ATP6V0A4: variants seen among roughly 807,000 people sequenced by gnomAD.
ATP6V0A4 encodes V-type proton ATPase 116 kDa subunit a 4.
In ATP6V0A4, 86 loss-of-function variants were observed where a neutral mutation model predicts 107.3. The ratio of observed to expected loss-of-function variants is 0.80; its 90% CI spans 0.67 to 0.96. ATP6V0A4 has a LOEUF of 0.96. ATP6V0A4 is among the 40% of genes least tolerant of loss of function. ATP6V0A4 has a pLI of 0.00. For missense variants in ATP6V0A4, 908 were observed against 1,045.6 expected (o/e 0.87, Z 1.81); for synonymous variants, 353 against 381.4 (o/e 0.93, Z 0.87).
rs976150498 is a variant in ATP6V0A4, at chr7:138,745,385, T to C, written c.1321-105A>G. 3.2e-6 allele frequency: 5 copies of C among 1,550,018 alleles called. No homozygotes were observed. In the African/African-American group the frequency reaches 4.1e-5, roughly 13 times the overall value. On this transcript the variant is annotated intron_variant, in intron 13 of 21. Coordinates refer to ENST00000310018, the MANE Select transcript of ATP6V0A4 (RefSeq NM_020632.3). ...TCCAGCATCACCGGTGCAGGCACCC[T>C]TGGGGGAGCCACATGACCACAGCAG...
intron 19 of ATP6V0A4, among the ~76,000 whole-genome samples, chr7:138,718,581 G>GGGA (rs773485126): frequency 0.02 from 1,969 of 98,940 alleles, 96 homozygotes; most frequent in Non-Finnish European, 0.033. Context: ...GAGAGGCATG[G>GGGA]GGCGGAATGG....
At chr7:138,747,149 A>G (rs1805990790) in intron 13 of ATP6V0A4, among the ~76,000 whole-genome samples, 2 of 152,174 alleles carry the variant, frequency 1.3e-5, no homozygotes, top group African/African-American at 4.8e-5. Context: ...TTTCATAATC[A>G]GGCAAAAACA....
rs1254294178 is a variant in ATP6V0A4 at position 138,747,550 on chromosome 7, T to C, written c.1195A>G (p.Ile399Val). 6.2e-7 allele frequency: 1 copy of C among 1,614,078 alleles called. No individual in the cohort carries two copies. The change falls in exon 13 of 22, where the codon ATC (isoleucine) becomes GTC (valine). Residue 399 changes from isoleucine (I) to valine (V), a missense_variant. Ile to Val is a conservative substitution (Grantham distance 29, BLOSUM62 3). Coordinates refer to ENST00000310018, the MANE Select transcript of ATP6V0A4 (RefSeq NM_020632.3). ...REINPAPYTI[I>V]TFPFLFAVMF... ...ACAGCGAACAGGAAGGGGAAAGTGA[T>C]GATGGTGTAGGGGGCTGCGGAGGGG...
Position 138,734,150 on chromosome 7 carries a change from G to T in ATP6V0A4, c.1677C>A (p.Ser559Arg). The T allele has an allele frequency of 6.2e-7, 1 of 1,612,456 alleles. No homozygotes were observed. The highest frequency in any genetic ancestry group is 8.5e-7 in the Non-Finnish European group (1 of 1,178,566). The change falls in exon 16 of 22, where the codon AGC becomes AGA. Residue 559 changes from serine to arginine, a missense_variant. Ser to Arg is a moderately radical substitution (Grantham distance 110). Transcript: ENST00000310018. ...AAGAAACTTACATGTGATTGAAAAGGCTGAGGATGACACCGAAAACCATCT... is the reference window on the plus strand; with the variant it reads ...AAGAAACTTACATGTGATTGAAAAGTCTGAGGATGACACCGAAAACCATCT... ...IVQMVFGVIL[S>R]LFNHIYFRRT...
intron 10 of ATP6V0A4, 52 bp from the exon 11 acceptor site, chr7:138,752,889 G>C (rs1172540400): frequency 1.2e-6 from 2 of 1,602,798 alleles, no homozygotes. Context: ...AGAGCTGTTT[G>C]ACAAGGTGCC....
intron 8 of ATP6V0A4, among the ~76,000 whole-genome samples, chr7:138,759,518 T>C (rs1806683397): frequency 6.6e-6 from 1 of 152,084 alleles, no homozygotes; most frequent in African/African-American, 2.4e-5. Flanking sequence ...GCTATGTCTC[T>C]GGGAAGAATA....
intron 20 of ATP6V0A4, among the ~76,000 whole-genome samples, chr7:138,713,280 GAAA>G (rs10673617): frequency 2.1e-4 from 25 of 120,710 alleles, no homozygotes; most frequent in Admixed American, 1.5e-3. Flanking sequence ...ACTCCAGCCT[GAAA>G]AAAAAAAAAA....
chr7:138,725,597 C>T (rs568721788), intron 18 of ATP6V0A4, among the ~76,000 whole-genome samples: 1 of 152,228 alleles, frequency 6.6e-6, no homozygotes, highest in African/African-American at 2.4e-5. Context: ...ACTGCCATCT[C>T]CACCTCTCAG....
intron 21 of ATP6V0A4, among the ~76,000 whole-genome samples, chr7:138,707,401 T>TA (rs71179729): frequency 0.31 from 33,974 of 109,584 alleles, 5,735 homozygotes; most frequent in Admixed American, 0.37. Context: ...ATAAATATAT[T>TA]ATATATATAT....
intron 10 of ATP6V0A4, among the ~76,000 whole-genome samples, chr7:138,753,387 C>T (rs954265671): frequency 7.9e-5 from 12 of 152,198 alleles, no homozygotes; most frequent in Admixed American, 1.3e-4. Context: ...CGAGGGAGCA[C>T]GGCCCTGCTG....
intron 21 of ATP6V0A4, among the ~76,000 whole-genome samples, chr7:138,709,020 C>A (rs577560147): frequency 6.6e-6 from 1 of 151,934 alleles, no homozygotes; most frequent in African/African-American, 2.4e-5. Context: ...ACCAGCCTAG[C>A]AAACATGGGG....
chr7:138,718,419 G>C (rs1382765793), intron 19 of ATP6V0A4, among the ~76,000 whole-genome samples: 2 of 114,556 alleles, frequency 1.7e-5, no homozygotes, highest in African/African-American at 6.9e-5. Flanking sequence ...AAGGGGGGGC[G>C]TGCAGTCACG....
chr7:138,753,994 G>A (rs915546840), intron 10 of ATP6V0A4, among the ~76,000 whole-genome samples: 5 of 152,124 alleles, frequency 3.3e-5, no homozygotes, highest in Admixed American at 6.5e-5. Context: ...GCAGCAACCC[G>A]TCATACTAAA....
At chr7:138,713,346 G>A (rs1803851501) in intron 20 of ATP6V0A4, among the ~76,000 whole-genome samples, 2 of 151,554 alleles carry the variant, frequency 1.3e-5, no homozygotes, top group South Asian at 4.2e-4. Context: ...AGGGCTGAGT[G>A]TGTGCATCAG....
At chr7:138,727,520 C>T (rs746958793) in intron 18 of ATP6V0A4, among the ~76,000 whole-genome samples, 1 of 152,068 alleles carries the variant, frequency 6.6e-6, no homozygotes, top group African/African-American at 2.4e-5. Flanking sequence ...GGAACGAGTT[C>T]GGACTGGCAT....
chr7:138,760,522 A>T (rs10235404), intron 7 of ATP6V0A4, among the ~76,000 whole-genome samples: 6 of 150,810 alleles, frequency 4.0e-5, no homozygotes, highest in Non-Finnish European at 8.8e-5. Flanking sequence ...ATTCAACAGT[A>T]GTCTCTATGC....
chr7:138,790,955 A>G (rs1808382691), intron 1 of ATP6V0A4, among the ~76,000 whole-genome samples: 1 of 152,214 alleles, frequency 6.6e-6, no homozygotes, highest in Non-Finnish European at 1.5e-5. Context: ...AATTTTGCCC[A>G]CAATAAAAAA....
intron 18 of ATP6V0A4, among the ~76,000 whole-genome samples, chr7:138,727,514 C>T (rs997526613): frequency 1.3e-5 from 2 of 152,202 alleles, no homozygotes; most frequent in South Asian, 2.1e-4. Context: ...AGCTTTGGAA[C>T]GAGTTCGGAC....
intron 18 of ATP6V0A4, among the ~76,000 whole-genome samples, chr7:138,723,999 G>A (rs909416115): frequency 5.5e-5 from 8 of 145,516 alleles, no homozygotes; most frequent in African/African-American, 1.8e-4. Flanking sequence ...AGGTCAGCCT[G>A]GGCAACAAAG....
Sources: allele counts gnomAD v4.1 joint callset (sites outside exome capture counted in the v4.1 genomes callset), GRCh38; gene constraint gnomAD v4.1.1; transcripts MANE v1.5; gene names NCBI Gene and HGNC (gene_info 2026-07-23, HGNC 2026-07-21).